FGGY: variants seen among roughly 807,000 people sequenced by gnomAD.
The protein encoded by FGGY is FGGY carbohydrate kinase domain-containing protein.
In FGGY, 72 loss-of-function variants were observed where a neutral mutation model predicts 71.3. The ratio of observed to expected loss-of-function variants is 1.01; its 90% CI spans 0.84 to 1.23. The LOEUF (loss-of-function observed/expected upper bound fraction) is 1.23, where lower values mean the gene tolerates loss of function less well. Among genes scored for constraint, FGGY ranks in the 50% most tolerant of loss-of-function variants. The probability of loss-of-function intolerance (pLI) is 0.00; values close to 1 mark genes in which losing one functional copy is unlikely to be tolerated. For missense variants in FGGY, 668 were observed against 682.3 expected, an observed-to-expected ratio of 0.98 and a Z score of 0.23; for synonymous variants, 251 against 250.3, an observed-to-expected ratio of 1.00 and a Z score of -0.02.
At chr1:59,422,696 GA>G (rs138277726) in intron 5 of FGGY, among the ~76,000 whole-genome samples, 4,988 of 125,710 alleles carry the variant, frequency 0.04, 261 homozygotes, top group African/African-American at 0.14. Flanking sequence ...TGTCTCAAAG[GA>G]AAAAAAAAAA....
chr1:59,340,103 G>C (rs935974817), intron 3 of FGGY, 34 bp downstream of exon 3: 31 of 1,490,554 alleles, frequency 2.1e-5, no homozygotes, highest in Admixed American at 1.1e-4. Flanking sequence ...CCCAGTGGTG[G>C]GATACTTGGC....
intron 9 of FGGY, among the ~76,000 whole-genome samples, chr1:59,614,462 A>G (rs1019620870): frequency 1.4e-4 from 21 of 152,176 alleles, no homozygotes; most frequent in Non-Finnish European, 2.2e-4. Context: ...CTCATGCTAA[A>G]AACTCTCAAT....
chr1:59,600,088 T>C (rs1044862598), intron 8 of FGGY, among the ~76,000 whole-genome samples: 12 of 152,160 alleles, frequency 7.9e-5, no homozygotes, highest in African/African-American at 2.9e-4. Context: ...TGGAGGACAC[T>C]ATTTGGGTCA....
At chr1:59,425,850 T>G (rs2066271687) in intron 5 of FGGY, among the ~76,000 whole-genome samples, 1 of 152,250 alleles carries the variant, frequency 6.6e-6, no homozygotes, top group Admixed American at 6.5e-5. Flanking sequence ...AGCTGACTCC[T>G]TACCCTGTGG....
chr1:59,533,407 T>G (rs1038105664), intron 7 of FGGY, among the ~76,000 whole-genome samples: 52 of 152,306 alleles, frequency 3.4e-4, no homozygotes, highest in African/African-American at 1.3e-3. Flanking sequence ...ACTGCAAGGC[T>G]GCAGCGAGGC....
intron 14 of FGGY, among the ~76,000 whole-genome samples, chr1:59,702,028 C>T (rs1314962827): frequency 6.6e-6 from 1 of 152,092 alleles, no homozygotes; most frequent in African/African-American, 2.4e-5. Flanking sequence ...GACTTACAGT[C>T]ATGGTGGAGG....
chr1:59,443,406 A>C (rs974152011), intron 5 of FGGY, among the ~76,000 whole-genome samples: 7 of 152,162 alleles, frequency 4.6e-5, no homozygotes, highest in African/African-American at 1.7e-4. Flanking sequence ...GCAGCCTTGG[A>C]TGACCATATA....
chr1:59,475,060 A>T (rs920039272), intron 6 of FGGY, among the ~76,000 whole-genome samples: 13 of 152,346 alleles, frequency 8.5e-5, no homozygotes, highest in African/African-American at 2.9e-4. Context: ...ATTTCTCTCT[A>T]GGTGATAGAT....
chr1:59,485,617 G>A (rs660608), intron 6 of FGGY, among the ~76,000 whole-genome samples: 77,895 of 151,966 alleles, frequency 0.51, 20,600 homozygotes, highest in African/African-American at 0.64. Flanking sequence ...GAAAATCACT[G>A]TTTTGTAGAT....
intron 6 of FGGY, among the ~76,000 whole-genome samples, chr1:59,501,095 C>T (rs772882458): frequency 2.6e-5 from 4 of 152,140 alleles, no homozygotes; most frequent in Non-Finnish European, 5.9e-5. Context: ...TGTAGATTCA[C>T]CCATTGTTAG....
chr1:59,668,364 G>A (rs925844215), intron 13 of FGGY, among the ~76,000 whole-genome samples: 3 of 152,192 alleles, frequency 2.0e-5, no homozygotes, highest in Admixed American at 1.3e-4. Context: ...AGGGCAAGGG[G>A]AGGGAAAGTG....
intron 14 of FGGY, among the ~76,000 whole-genome samples, chr1:59,679,949 C>T (rs1223211575): frequency 6.6e-6 from 1 of 152,146 alleles, no homozygotes; most frequent in Non-Finnish European, 1.5e-5. Context: ...TAAATTATCT[C>T]TATAAAATAA....
intron 4 of FGGY, among the ~76,000 whole-genome samples, chr1:59,347,549 C>T (rs2052329820): frequency 6.6e-6 from 1 of 152,046 alleles, no homozygotes; most frequent in Admixed American, 6.6e-5. Context: ...AATAGTGCCA[C>T]AATAAACATA....
intron 9 of FGGY, among the ~76,000 whole-genome samples, chr1:59,613,876 G>T: frequency 6.6e-6 from 1 of 152,272 alleles, no homozygotes; most frequent in South Asian, 2.1e-4. Context: ...ACACCTCTAT[G>T]CAAATAAACT....
chr1:59,429,155 A>C (rs944023499), intron 5 of FGGY, among the ~76,000 whole-genome samples: 1 of 152,178 alleles, frequency 6.6e-6, no homozygotes, highest in Admixed American at 6.5e-5. Context: ...TAAAAGATTA[A>C]AGAGAAGTGA....
chr1:59,361,537 A>G (rs934778252), intron 4 of FGGY, among the ~76,000 whole-genome samples: 1 of 152,216 alleles, frequency 6.6e-6, no homozygotes, highest in African/African-American at 2.4e-5. Flanking sequence ...CAAATGCAGT[A>G]TAGTGAGAGC....
At chr1:59,588,485 A>G (rs1292969475) in intron 8 of FGGY, among the ~76,000 whole-genome samples, 3 of 152,192 alleles carry the variant, frequency 2.0e-5, no homozygotes, top group Non-Finnish European at 4.4e-5. Context: ...TCCAAGACAC[A>G]TAATTGTCAG....
chr1:59,401,575 G>A (rs553422208), intron 5 of FGGY, among the ~76,000 whole-genome samples: 4 of 152,226 alleles, frequency 2.6e-5, no homozygotes, highest in African/African-American at 4.8e-5. Context: ...TTAGAGATAC[G>A]GAAAATGTTG....
intron 6 of FGGY, among the ~76,000 whole-genome samples, chr1:59,481,675 A>G (rs1045695695): frequency 1.7e-4 from 26 of 152,140 alleles, no homozygotes; most frequent in Non-Finnish European, 3.1e-4. Context: ...TGTTTTCATA[A>G]TGCCAGACCC....
Sources: gnomAD v4.1 joint callset for allele counts (sites outside exome capture counted in the v4.1 genomes callset) on GRCh38, gnomAD v4.1.1 for gene constraint, MANE v1.5 for transcripts, NCBI Gene and HGNC (gene_info 2026-07-23, HGNC 2026-07-21) for gene names.